The following LSAMP variants were observed in gnomAD, a reference collection of about 807,000 sequenced individuals.
LSAMP encodes limbic system associated membrane protein, also known as limbic system-associated membrane protein.
LSAMP carries 7 observed loss-of-function variants against 38.6 expected under a neutral mutation model. The ratio of observed to expected loss-of-function variants is 0.18; its 90% CI spans 0.10 to 0.34. The LOEUF (loss-of-function observed/expected upper bound fraction) is 0.34, where lower values mean the gene tolerates loss of function less well. LSAMP is among the 10% of genes least tolerant of loss of function. The pLI, the probability that LSAMP is intolerant of heterozygous loss-of-function variation, is 1.00. For synonymous variants in LSAMP, 154 were observed against 166.8 expected (o/e 0.92, Z 0.59); for missense variants, 313 against 420.0 (o/e 0.75, Z 2.23).
chr3:115,860,880 G>T (rs1363512307), intron 3 of LSAMP, among the ~76,000 whole-genome samples: 2 of 152,152 alleles, frequency 1.3e-5, no homozygotes, highest in African/African-American at 4.8e-5. Flanking sequence ...CAGGAAAAAT[G>T]AGGATGGTGA....
rs897184946 is a variant in LSAMP at position 115,858,008 on chromosome 3, A to G, written c.515-5391T>C. 5.3e-5 allele frequency among the ~76,000 whole-genome samples: 8 copies of G among 152,238 alleles called. No homozygotes were observed. In the East Asian group the frequency reaches 1.4e-3, roughly 26 times the overall value. Reference sequence around the variant, plus strand: ...TAGTTGCTATGCAAAATGTTGACTGATTTAGATTTATAAGGTCAACCAGGC... The same window carrying G: ...TAGTTGCTATGCAAAATGTTGACTGGTTTAGATTTATAAGGTCAACCAGGC... On this transcript the variant is annotated intron_variant, in intron 3 of 6. Transcript: ENST00000490035.
intron 2 of LSAMP, among the ~76,000 whole-genome samples, chr3:116,084,144 A>C (rs1707935612): frequency 6.6e-6 from 1 of 152,118 alleles, no homozygotes; most frequent in African/African-American, 2.4e-5. Context: ...ATATATATAA[A>C]ATAAAGTGAG....
intron 6 of LSAMP, among the ~76,000 whole-genome samples, chr3:115,834,971 T>C (rs1934736741): frequency 6.6e-6 from 1 of 152,118 alleles, no homozygotes; most frequent in Non-Finnish European, 1.5e-5. Context: ...GTCTTGGTTC[T>C]CGTCTCTTTA....
At chr3:116,010,512 T>A (rs1940293864) in intron 3 of LSAMP, among the ~76,000 whole-genome samples, 1 of 152,226 alleles carries the variant, frequency 6.6e-6, no homozygotes, top group Non-Finnish European at 1.5e-5. Context: ...AAACAATTAC[T>A]GAGTGTGATA....
chr3:116,355,001 A>G (rs1357456543), intron 1 of LSAMP, among the ~76,000 whole-genome samples: 2 of 152,152 alleles, frequency 1.3e-5, no homozygotes, highest in African/African-American at 2.4e-5. Flanking sequence ...TGTTTATTAC[A>G]TAATAATACA....
intron 1 of LSAMP, among the ~76,000 whole-genome samples, chr3:116,267,505 G>A (rs2046907773): frequency 6.6e-6 from 1 of 151,736 alleles, no homozygotes; most frequent in South Asian, 2.1e-4. Context: ...ACTGACAGGA[G>A]GAAAGCAGCA....
intron 3 of LSAMP, among the ~76,000 whole-genome samples, chr3:115,943,674 AC>A (rs1321013815): frequency 1.3e-5 from 2 of 152,312 alleles, no homozygotes. Flanking sequence ...AAGAGATGCT[AC>A]TTCACCTTCT....
At chr3:115,986,615 C>T (rs1416098908) in intron 3 of LSAMP, among the ~76,000 whole-genome samples, 1 of 151,774 alleles carries the variant, frequency 6.6e-6, no homozygotes, top group Non-Finnish European at 1.5e-5. Context: ...TCCAAATACC[C>T]ACTTCAGATG....
intron 1 of LSAMP, among the ~76,000 whole-genome samples, chr3:116,430,811 T>C (rs964721213): frequency 6.6e-6 from 1 of 152,062 alleles, no homozygotes; most frequent in Non-Finnish European, 1.5e-5. Context: ...AACTGTGTTA[T>C]TTCTACTATG....
chr3:115,941,433 A>T (rs1937916626), intron 3 of LSAMP, among the ~76,000 whole-genome samples: 1 of 152,164 alleles, frequency 6.6e-6, no homozygotes, highest in Non-Finnish European at 1.5e-5. Flanking sequence ...GTATGTATCC[A>T]AAGGAAATGA....
intron 5 of LSAMP, 99 bp downstream of exon 5, chr3:115,842,359 C>A (rs1344472544): frequency 2.1e-6 from 3 of 1,437,882 alleles, no homozygotes; most frequent in South Asian, 1.4e-5. Context: ...TATAGTTCTA[C>A]ATAATTACAA....
chr3:116,366,019 A>AAAAT (rs1267404141), intron 1 of LSAMP, among the ~76,000 whole-genome samples: 1 of 140,478 alleles, frequency 7.1e-6, no homozygotes, highest in Non-Finnish European at 1.5e-5. Flanking sequence ...ATAATAAAAA[A>AAAAT]AAAAAAAAAA....
At chr3:115,885,978 A>G (rs1936444335) in intron 3 of LSAMP, among the ~76,000 whole-genome samples, 1 of 151,970 alleles carries the variant, frequency 6.6e-6, no homozygotes, top group Non-Finnish European at 1.5e-5. Context: ...TTTAATGGTT[A>G]ATTGGTTTCT....
At chr3:116,137,283 A>C (rs1882012) in intron 1 of LSAMP, among the ~76,000 whole-genome samples, 82,346 of 151,802 alleles carry the variant, frequency 0.54, 23,159 homozygotes, top group East Asian at 0.75. Context: ...CCTTGTGCCA[A>C]ATTTAGTTAT....
At chr3:115,833,838 A>AT (rs561873310) in intron 6 of LSAMP, among the ~76,000 whole-genome samples, 176 of 152,178 alleles carry the variant, frequency 1.2e-3, no homozygotes, top group African/African-American at 4.0e-3. Flanking sequence ...TTCATTTCAG[A>AT]TTTTTTATAT....
At chr3:115,942,895 C>T (rs1037405995) in intron 3 of LSAMP, among the ~76,000 whole-genome samples, 2 of 152,098 alleles carry the variant, frequency 1.3e-5, no homozygotes, top group Non-Finnish European at 2.9e-5. Flanking sequence ...TGCTCACATT[C>T]AATTGTCAAC....
At chr3:115,902,047 AAAGT>A (rs1205328796) in intron 3 of LSAMP, among the ~76,000 whole-genome samples, 1 of 152,108 alleles carries the variant, frequency 6.6e-6, no homozygotes, top group Non-Finnish European at 1.5e-5. Flanking sequence ...AAATCACAAT[AAAGT>A]AAGAGGAACA....
At chr3:116,012,005 C>T (rs1283554383) in intron 3 of LSAMP, among the ~76,000 whole-genome samples, 1 of 152,188 alleles carries the variant, frequency 6.6e-6, no homozygotes, top group African/African-American at 2.4e-5. Flanking sequence ...CCATAAACAA[C>T]ATTGGAAAGT....
intron 1 of LSAMP, among the ~76,000 whole-genome samples, chr3:116,375,201 G>A (rs1025924040): frequency 3.3e-5 from 5 of 151,876 alleles, no homozygotes; most frequent in African/African-American, 1.2e-4. Context: ...AAGAAAAGGT[G>A]GCTATTTCAA....
Sources: allele counts gnomAD v4.1 joint callset (sites outside exome capture counted in the v4.1 genomes callset), GRCh38; gene constraint gnomAD v4.1.1; transcripts MANE v1.5; gene names NCBI Gene and HGNC (gene_info 2026-07-23, HGNC 2026-07-21).